LRP6: variants seen among roughly 807,000 people sequenced by gnomAD.
LRP6 encodes low-density lipoprotein receptor-related protein 6.
Under a neutral mutation model 184.1 loss-of-function variants are expected in LRP6, and 43 were observed. The ratio of observed to expected loss-of-function variants is 0.23; its 90% CI spans 0.18 to 0.30. The LOEUF (loss-of-function observed/expected upper bound fraction) is 0.30. Among genes scored for constraint, LRP6 ranks in the 10% least tolerant of loss-of-function variants. The pLI is 1.00. For synonymous variants in LRP6, 719 were observed against 684.9 expected (o/e 1.05, Z -0.78); for missense variants, 1,571 against 2,005.3 (o/e 0.78, Z 4.14).
intron 2 of LRP6, among the ~76,000 whole-genome samples, chr12:12,222,943 C>A (rs1164495039): frequency 6.6e-6 from 1 of 151,946 alleles, no homozygotes; most frequent in African/African-American, 2.4e-5. Flanking sequence ...ACTCCTAGAC[C>A]AATTCAGAAA....
At chr12:12,132,144 T>TAA in intron 17 of LRP6, 87 bp from the exon 18 acceptor site, 1 of 827,020 alleles carries the variant, frequency 1.2e-6, no homozygotes, top group Non-Finnish European at 2.1e-6. Context: ...GAAGCTCATT[T>TAA]AATAATTAAC....
rs189376117 is a variant in LRP6, at chr12:12,228,040, G to T, written c.449+16222C>A. ...AAATCCTCATTTGGCACATTTCCCCGAGAGTAGCTAAATTATGTATCCAAG... is the reference window on the plus strand; with the variant it reads ...AAATCCTCATTTGGCACATTTCCCCTAGAGTAGCTAAATTATGTATCCAAG... On this transcript the variant is annotated intron_variant, in intron 2 of 22. Coordinates refer to ENST00000261349, the MANE Select transcript of LRP6 (RefSeq NM_002336.3). Among the ~76,000 whole-genome samples the T allele has an allele frequency of 2.2e-4, 34 of 152,230 alleles. 1 individual carries two copies. The highest frequency in any genetic ancestry group is 2.0e-3 in the Admixed American group (30 of 15,296).
chr12:12,135,442 T>G, intron 16 of LRP6, 142 bp from the exon 17 acceptor site: 1 of 461,982 alleles, frequency 2.2e-6, no homozygotes, highest in Non-Finnish European at 3.8e-6. Flanking sequence ...TTTTTTTTAC[T>G]TTTATTATTA....
chr12:12,209,829 C>T (rs1864161552), intron 2 of LRP6, among the ~76,000 whole-genome samples: 1 of 152,020 alleles, frequency 6.6e-6, no homozygotes, highest in Admixed American at 6.6e-5. Context: ...TTACGAAATT[C>T]GCAATGTAGA....
At chr12:12,140,405 A>T (rs1207750301) in intron 15 of LRP6, among the ~76,000 whole-genome samples, 1 of 152,120 alleles carries the variant, frequency 6.6e-6, no homozygotes, top group Non-Finnish European at 1.5e-5. Context: ...AGAAAAATAC[A>T]GCTACAGTCA....
At chr12:12,164,174 TCAAA>T in intron 9 of LRP6, 95 bp downstream of exon 9, 1 of 1,087,844 alleles carries the variant, frequency 9.2e-7, no homozygotes. Flanking sequence ...ACTCTGCCTG[TCAAA>T]CAATGAGGGA....
chr12:12,238,478 CAGGGT>C (rs1229213203), intron 2 of LRP6, among the ~76,000 whole-genome samples: 3 of 152,028 alleles, frequency 2.0e-5, no homozygotes, highest in Non-Finnish European at 4.4e-5. Context: ...CATCTAGACA[CAGGGT>C]AGACAAAGCT....
intron 2 of LRP6, among the ~76,000 whole-genome samples, chr12:12,207,571 C>A (rs1011452356): frequency 6.6e-6 from 1 of 151,874 alleles, no homozygotes; most frequent in African/African-American, 2.4e-5. Flanking sequence ...GCAGGCATCA[C>A]GAGGGCCATT....
intron 9 of LRP6, among the ~76,000 whole-genome samples, chr12:12,163,651 A>G (rs1862797179): frequency 6.6e-6 from 1 of 152,190 alleles, no homozygotes; most frequent in Admixed American, 6.5e-5. Context: ...TTTAAAGTAA[A>G]TCAACAGCCA....
At position 12,147,684 on chromosome 12, in the gene LRP6, T is replaced by A; in HGVS notation, c.3207-128A>T. On this transcript the variant is annotated intron_variant, in intron 14 of 22. Coordinates refer to ENST00000261349, the MANE Select transcript of LRP6 (RefSeq NM_002336.3). ...GTTTTTAAAAGTTTTAAAATACGTA[T>A]TTTTTGACCAGGCACAGTGGCTCAT... The A allele has an allele frequency of 3.7e-6, 3 of 805,138 alleles. No individual in the cohort carries two copies. The South Asian group carries it at 4.9e-5, about 13-fold the overall frequency. 49.9% of individuals were successfully genotyped at this position (805,138 alleles called of 1,614,324 possible).
rs1185361578 is a variant in LRP6 at position 12,135,463 on chromosome 12, C to CT, written c.3608-164dup. ...TTACTTTTATTATTATTATTATGGA[C>CT]TTTTTTTACTTTTATCATTATTATT... On this transcript the variant is annotated intron_variant, in intron 16 of 22. Coordinates refer to ENST00000261349, the MANE Select transcript of LRP6 (RefSeq NM_002336.3). Among the ~76,000 whole-genome samples the CT allele has an allele frequency of 1.0e-4, 14 of 135,780 alleles. No homozygotes were observed. In the South Asian group the frequency reaches 3.4e-3, roughly 33 times the overall value. The allele number at this position is 135,780 out of a possible 152,430, so 89.1% of individuals were successfully genotyped here.
In LRP6 at chr12:12,248,588, TCTC is replaced by T. The variant is rs569231881; in HGVS notation, c.56-3936_56-3934del. ...GGTCCGCCTCCCGGGTTCACGCCAT[TCTC>T]CTGCCTCAGCCTCCCGAGTAGCTGG... On this transcript the variant is annotated intron_variant, in intron 1 of 22. Coordinates refer to ENST00000261349, the MANE Select transcript of LRP6 (RefSeq NM_002336.3). Among the ~76,000 whole-genome samples, 797 of 148,522 alleles carry T rather than the reference TCTC, an allele frequency of 5.4e-3. 1 individual carries two copies. The highest frequency in any genetic ancestry group is 0.019 in the African/African-American group (755 of 40,422).
intron 2 of LRP6, among the ~76,000 whole-genome samples, chr12:12,211,309 G>A (rs1325627631): frequency 6.6e-6 from 1 of 152,140 alleles, no homozygotes; most frequent in African/African-American, 2.4e-5. Flanking sequence ...AGGCGTGGTG[G>A]TGGGCACCTG....
At chr12:12,224,360 C>A (rs1051714400) in intron 2 of LRP6, among the ~76,000 whole-genome samples, 4 of 151,402 alleles carry the variant, frequency 2.6e-5, no homozygotes, top group Admixed American at 2.6e-4. Context: ...CAGTCATCTT[C>A]AATTCTACTA....
chr12:12,197,749 G>T (rs1450413546), intron 3 of LRP6, among the ~76,000 whole-genome samples: 1 of 152,110 alleles, frequency 6.6e-6, no homozygotes, highest in East Asian at 1.9e-4. Context: ...GTTACTATAA[G>T]AATTAAATTT....
intron 7 of LRP6, among the ~76,000 whole-genome samples, chr12:12,177,523 G>T (rs1055693011): frequency 6.6e-6 from 1 of 152,068 alleles, no homozygotes; most frequent in African/African-American, 2.4e-5. Flanking sequence ...TTTTCTCCCC[G>T]AGTTATGCAG....
intron 2 of LRP6, among the ~76,000 whole-genome samples, chr12:12,239,651 G>T (rs1317208779): frequency 2.0e-5 from 3 of 151,324 alleles, no homozygotes; most frequent in South Asian, 2.1e-4. Context: ...ACTCATAAAG[G>T]TACCCTATTC....
intron 1 of LRP6, among the ~76,000 whole-genome samples, chr12:12,259,096 T>C (rs1865546871): frequency 6.6e-6 from 1 of 152,038 alleles, no homozygotes; most frequent in South Asian, 2.1e-4. Flanking sequence ...ACCCCATCTC[T>C]ACTAAAAACA....
chr12:12,195,535 T>A (rs1276466689), intron 3 of LRP6, among the ~76,000 whole-genome samples: 1 of 152,138 alleles, frequency 6.6e-6, no homozygotes, highest in Non-Finnish European at 1.5e-5. Context: ...CCCCATTTTT[T>A]AACCAAACTG....
Sources: allele counts gnomAD v4.1 joint callset (sites outside exome capture counted in the v4.1 genomes callset), GRCh38; gene constraint gnomAD v4.1.1; transcripts MANE v1.5; gene names NCBI Gene and HGNC (gene_info 2026-07-23, HGNC 2026-07-21).